Variants in TNKS2 observed in about 807,000 individuals in gnomAD.
The protein encoded by TNKS2 is poly [ADP-ribose] polymerase tankyrase-2.
Under a neutral mutation model 137.6 loss-of-function variants are expected in TNKS2, and 72 were observed. The observed-to-expected ratio is 0.52, with a 90% confidence interval of 0.43 to 0.64. The LOEUF is 0.64. TNKS2 is among the 30% of genes least tolerant of loss of function. The pLI is 0.00. For missense variants in TNKS2, 1,049 were observed against 1,410.2 expected, an observed-to-expected ratio of 0.74 and a Z score of 4.10; for synonymous variants, 516 against 512.1, an observed-to-expected ratio of 1.01 and a Z score of -0.10.
chr10:91,836,805 A>G (rs928080092), intron 12 of TNKS2, 114 bp from the exon 13 acceptor site: 19 of 1,442,588 alleles, frequency 1.3e-5, no homozygotes, highest in Non-Finnish European at 1.5e-5. Flanking sequence ...GATCTCGTAC[A>G]TAATCTACCA....
intron 1 of TNKS2, among the ~76,000 whole-genome samples, chr10:91,805,822 C>T (rs898063537): frequency 6.6e-6 from 1 of 152,110 alleles, no homozygotes; most frequent in Non-Finnish European, 1.5e-5. Context: ...ATTTAAGAAG[C>T]CTTTTTCTAA....
At chr10:91,819,863 T>G (rs942043545) in intron 5 of TNKS2, 76 bp from the exon 6 acceptor site, 9 of 1,187,806 alleles carry the variant, frequency 7.6e-6, no homozygotes, top group Non-Finnish European at 1.1e-5. Flanking sequence ...TGGTTTTATA[T>G]TTGGGTTTTT....
chr10:91,814,990 A>C (rs1844635715), intron 2 of TNKS2, among the ~76,000 whole-genome samples: 1 of 152,234 alleles, frequency 6.6e-6, no homozygotes, highest in Non-Finnish European at 1.5e-5. Context: ...ATGCTACTGA[A>C]TTATAGGGTT....
rs763280796 is a variant in TNKS2, at chr10:91,822,289, A to G, written c.729-7A>G. ...GAAACAGGATTTTCCCCCCCTTCTC[A>G]TTGTAGTGATCTGGTACCATTACAC... On this transcript the variant is annotated splice_region_variant and splice_polypyrimidine_tract_variant and intron_variant, in intron 6 of 26. Coordinates refer to ENST00000371627, the MANE Select transcript of TNKS2 (RefSeq NM_025235.4). The G allele has an allele frequency of 6.2e-7, 1 of 1,605,304 alleles. No homozygotes were observed. Among genetic ancestry groups the G allele is most frequent in the Non-Finnish European group, 8.5e-7 (1 of 1,175,494 alleles).
At position 91,819,517 on chromosome 10, in the gene TNKS2, C is replaced by T. The variant is rs753188898; in HGVS notation, c.593C>T (p.Thr198Ile). ...GNEEKMMALLTPLNVNCHASD... is the reference protein window; with the variant it reads ...GNEEKMMALLIPLNVNCHASD... ...GAAGAAAAAATGATGGCTCTACTCA[C>T]ACCATTAAATGTCAACTGCCACGCA... The change falls in exon 5 of 27, where the codon ACA (threonine) becomes ATA (isoleucine). Residue 198 changes from threonine (T) to isoleucine (I), a missense_variant. Coordinates refer to ENST00000371627, the MANE Select transcript of TNKS2 (RefSeq NM_025235.4). The T allele has an allele frequency of 3.8e-6, 6 of 1,595,890 alleles. No homozygotes were observed. The highest frequency in any genetic ancestry group is 5.1e-6 in the Non-Finnish European group (6 of 1,175,238).
chr10:91,862,163 A>T lies in TNKS2; in HGVS notation c.3438+8A>T. On this transcript the variant is annotated splice_region_variant and intron_variant, in intron 26 of 26. Transcript: ENST00000371627. ...ATTTACAGAGGAGAACAGGTAATGT[A>T]GTTTTATTTGTTCATCTTCAAAAAT... 6.4e-7 allele frequency: 1 copy of T among 1,563,464 alleles called. No homozygotes were observed. The highest frequency in any genetic ancestry group is 8.7e-7 in the Non-Finnish European group (1 of 1,155,602).
chr10:91,802,214 T>C (rs921364937), intron 1 of TNKS2, among the ~76,000 whole-genome samples: 13 of 152,128 alleles, frequency 8.5e-5, no homozygotes, highest in African/African-American at 2.7e-4. Flanking sequence ...GAATCAAATA[T>C]AAGAGGGGAT....
chr10:91,859,895 G>T (rs1359253829), intron 25 of TNKS2, among the ~76,000 whole-genome samples: 1 of 152,152 alleles, frequency 6.6e-6, no homozygotes, highest in Non-Finnish European at 1.5e-5. Flanking sequence ...GTGCCTTAAA[G>T]CATACTGAGT....
At chr10:91,819,841 A>G (rs915862533) in intron 5 of TNKS2, 98 bp from the exon 6 acceptor site, 3 of 979,628 alleles carry the variant, frequency 3.1e-6, no homozygotes, top group South Asian at 2.0e-5. Flanking sequence ...GCGAAGTTAT[A>G]ATTGGATTTT....
At chr10:91,819,169 T>A (rs1250370448) in intron 3 of TNKS2, 101 bp from the exon 4 acceptor site, 3 of 681,594 alleles carry the variant, frequency 4.4e-6, no homozygotes, top group Non-Finnish European at 7.0e-6. Flanking sequence ...GAAATTTGTT[T>A]CCAAATTTAT....
At position 91,841,438 on chromosome 10, in the gene TNKS2, T is replaced by G. The variant is rs1842207842; in HGVS notation, c.1829T>G (p.Leu610Arg). The G allele has an allele frequency of 6.2e-7, 1 of 1,604,550 alleles. No individual in the cohort carries two copies. Among genetic ancestry groups the G allele is most frequent in the Admixed American group, 1.7e-5 (1 of 58,514 alleles). ...AAKGKYEICK[L>R]LLQHGADPTK... is the part of the protein sequence containing the mutation. ...AAAGGAAAATATGAAATTTGCAAAC[T>G]TCTGCTCCAGGTATATTTAAATACT... Residue 610 changes from leucine (L) to arginine (R), a missense_variant, in exon 15 of 27, where the codon CTT becomes CGT. Around this residue, in one of 6 missense-constraint regions of TNKS2, gnomAD observed 328 missense variants for 436.0 expected, o/e 0.75. Transcript: ENST00000371627.
chr10:91,844,107 G>A (rs1842292541), intron 16 of TNKS2, among the ~76,000 whole-genome samples: 3 of 152,154 alleles, frequency 2.0e-5, no homozygotes, highest in African/African-American at 7.2e-5. Flanking sequence ...TATCTTTCTT[G>A]TAGCCTATCT....
At chr10:91,827,503 T>C (rs547826543) in intron 8 of TNKS2, among the ~76,000 whole-genome samples, 1 of 152,348 alleles carries the variant, frequency 6.6e-6, no homozygotes, top group South Asian at 2.1e-4. Context: ...ATCTTTGATA[T>C]GATTTTTCTG....
chr10:91,859,618 A>G lies in TNKS2; in HGVS notation c.3251A>G (p.His1084Arg). 1 of 1,612,422 alleles carries G rather than the reference A, an allele frequency of 6.2e-7. No individual in the cohort carries two copies. The highest frequency in any genetic ancestry group is 1.3e-5 in the African/African-American group (1 of 74,956). The change falls in exon 25 of 27, where the codon CAC becomes CGC. Residue 1084 changes from histidine (H) to arginine (R), a missense_variant. His to Arg is a conservative substitution (Grantham distance 29). This residue lies in a region of TNKS2 where 133 missense variants were observed against 248.4 expected (regional missense o/e 0.54). Transcript: ENST00000371627. ...GIGGGTGCPV[H>R]KDRSCYICHR... Reference sequence around the variant, plus strand: ...GGAGGAGGTACTGGGTGTCCAGTTCACAAAGACAGATCTTGTTACATTTGC... The same window carrying G: ...GGAGGAGGTACTGGGTGTCCAGTTCGCAAAGACAGATCTTGTTACATTTGC...
chr10:91,862,836 A>G, intron 26 of TNKS2, 101 bp from the exon 27 acceptor site: 1 of 762,272 alleles, frequency 1.3e-6, no homozygotes, highest in Non-Finnish European at 2.2e-6. Flanking sequence ...TACAACAGTA[A>G]TTTAGAACCT....
At chr10:91,812,744 G>A (rs763482578) in intron 1 of TNKS2, 19 of 984,636 alleles carry the variant, frequency 1.9e-5, no homozygotes, top group Non-Finnish European at 2.3e-5. Flanking sequence ...GAGGTTAGCA[G>A]TAGTAGTACC....
At chr10:91,835,111 A>G (rs1841957426) in intron 12 of TNKS2, among the ~76,000 whole-genome samples, 1 of 152,144 alleles carries the variant, frequency 6.6e-6, no homozygotes, top group Non-Finnish European at 1.5e-5. Context: ...TGCATGTGTG[A>G]ATTACAGAAG....
chr10:91,862,881 G>A, intron 26 of TNKS2, 56 bp from the exon 27 acceptor site: 8 of 1,308,498 alleles, frequency 6.1e-6, no homozygotes, highest in Non-Finnish European at 8.7e-6. Flanking sequence ...CGGAAAGTCT[G>A]TTTATCTTTC....
chr10:91,798,687 G>A lies in TNKS2; in HGVS notation c.-4G>A. ...TGTTGCTGGCTGTGGCGGCGGCCAG[G>A]ATCATGTCGGGTCGCCGCTGCGCCG... On this transcript the variant is annotated 5_prime_UTR_variant, in exon 1 of 27. Transcript: ENST00000371627. 1 of 1,228,942 alleles carries A rather than the reference G, an allele frequency of 8.1e-7. No individual in the cohort carries two copies. 76.1% of individuals were successfully genotyped at this position (1,228,942 alleles called of 1,614,324 possible). A position where few individuals can be genotyped will look rare whatever the true frequency, so the allele number is the denominator to read the frequency against.
Sources: allele counts gnomAD v4.1 joint callset (sites outside exome capture counted in the v4.1 genomes callset), GRCh38; gene constraint gnomAD v4.1.1; regional missense constraint gnomAD v4.1.1; transcripts MANE v1.5; gene names NCBI Gene and HGNC (gene_info 2026-07-23, HGNC 2026-07-21).